Variants in PROS1 observed in about 807,000 individuals in gnomAD.
PROS1 encodes the protein protein S.
A neutral mutation model predicts 75.9 loss-of-function variants in PROS1; 29 were observed. The observed-to-expected ratio is 0.38, with a 90% confidence interval of 0.28 to 0.52. PROS1 has a LOEUF of 0.52. PROS1 is among the 20% of genes least tolerant of loss of function. PROS1 has a pLI of 0.83. For missense variants in PROS1, 680 were observed against 810.3 expected (o/e 0.84, Z 1.95); for synonymous variants, 245 against 280.6 (o/e 0.87, Z 1.27).
intron 4 of PROS1, among the ~76,000 whole-genome samples, chr3:93,906,508 C>T (rs1370729752): frequency 6.6e-6 from 1 of 152,200 alleles, no homozygotes; most frequent in African/African-American, 2.4e-5. Flanking sequence ...TCTCTGTGCT[C>T]TTGGGGGCCT....
intron 1 of PROS1, among the ~76,000 whole-genome samples, chr3:93,954,524 T>C (rs536302403): frequency 6.6e-6 from 1 of 152,202 alleles, no homozygotes; most frequent in Non-Finnish European, 1.5e-5. Flanking sequence ...GCTAGCCATA[T>C]GTAGAAAGCT....
chr3:93,963,969 A>C (rs1576219878), intron 1 of PROS1, among the ~76,000 whole-genome samples: 1 of 152,226 alleles, frequency 6.6e-6, no homozygotes, highest in African/African-American at 2.4e-5. Context: ...ACAGCAGAGG[A>C]ACATGAATTG....
chr3:93,890,512 G>T (rs952651486), intron 10 of PROS1, among the ~76,000 whole-genome samples: 4 of 152,046 alleles, frequency 2.6e-5, no homozygotes, highest in African/African-American at 9.7e-5. Flanking sequence ...TGGTTTTGTG[G>T]CTCAGGTGGG....
chr3:93,877,199 G>A lies in PROS1; in HGVS notation c.1645-8C>T, dbSNP rs774397005. The A allele has an allele frequency of 1.9e-6, 3 of 1,569,886 alleles. No individual in the cohort carries two copies. The Admixed American group carries it at 5.0e-5, about 26-fold the overall frequency. On this transcript the variant is annotated splice_polypyrimidine_tract_variant and splice_region_variant and intron_variant, in intron 13 of 14. Transcript: ENST00000394236. ...AACAGATAACAGAATATCCTGAAGAGCAGAGCAAAGATTCAATATAAGCAA... is the reference window on the plus strand; with the variant it reads ...AACAGATAACAGAATATCCTGAAGAACAGAGCAAAGATTCAATATAAGCAA...
At chr3:93,934,636 G>A (rs1709154766) in intron 1 of PROS1, among the ~76,000 whole-genome samples, 1 of 152,148 alleles carries the variant, frequency 6.6e-6, no homozygotes, top group African/African-American at 2.4e-5. Context: ...GATAGGTGTG[G>A]ATAAAGATTT....
chr3:93,919,421 T>TG (rs1186207178), intron 3 of PROS1, among the ~76,000 whole-genome samples: 1 of 149,948 alleles, frequency 6.7e-6, no homozygotes, highest in Non-Finnish European at 1.5e-5. Flanking sequence ...TTTTCCCTAT[T>TG]TTTTTTTTTT....
intron 7 of PROS1, among the ~76,000 whole-genome samples, chr3:93,900,410 A>C (rs1347115629): frequency 6.6e-6 from 1 of 152,248 alleles, no homozygotes; most frequent in Non-Finnish European, 1.5e-5. Flanking sequence ...TAAAGTTTTA[A>C]CCATGCTCAT....
chr3:93,893,753 T>C (rs1366061115), intron 9 of PROS1, among the ~76,000 whole-genome samples: 1 of 152,188 alleles, frequency 6.6e-6, no homozygotes, highest in Non-Finnish European at 1.5e-5. Flanking sequence ...ACTTAAAATA[T>C]ATCTATTAGC....
At chr3:93,934,075 G>C (rs1318283253) in intron 1 of PROS1, among the ~76,000 whole-genome samples, 3 of 150,738 alleles carry the variant, frequency 2.0e-5, no homozygotes, top group Non-Finnish European at 4.4e-5. Context: ...AGTTACTCAG[G>C]AGGCTGAGGC....
intron 13 of PROS1, among the ~76,000 whole-genome samples, chr3:93,877,491 TTC>T (rs1708208351): frequency 1.3e-5 from 2 of 152,190 alleles, no homozygotes; most frequent in Non-Finnish European, 2.9e-5. Flanking sequence ...TCTTATATCT[TTC>T]TGTTTATGAG....
intron 3 of PROS1, among the ~76,000 whole-genome samples, chr3:93,914,811 T>C (rs367559990): frequency 6.6e-6 from 1 of 152,200 alleles, no homozygotes; most frequent in Non-Finnish European, 1.5e-5. Context: ...TGTAGTCTTT[T>C]ATCTTTCACC....
intron 10 of PROS1, among the ~76,000 whole-genome samples, chr3:93,890,449 T>TA (rs1162349658): frequency 1.3e-5 from 2 of 152,214 alleles, no homozygotes; most frequent in African/African-American, 4.8e-5. Flanking sequence ...CTTTGTGACC[T>TA]ACTCCCTGTT....
At chr3:93,934,701 A>T (rs888231035) in intron 1 of PROS1, among the ~76,000 whole-genome samples, 2 of 152,216 alleles carry the variant, frequency 1.3e-5, no homozygotes. Flanking sequence ...TTACACATAT[A>T]AAGGCGAGTT....
At chr3:93,877,303 T>C (rs1221316454) in intron 13 of PROS1, 112 bp from the exon 14 acceptor site, 5 of 735,408 alleles carry the variant, frequency 6.8e-6, no homozygotes, top group South Asian at 1.7e-5. Context: ...GGAAAGAAAA[T>C]GTATGATAGA....
chr3:93,904,175 A>T (rs1387714859), intron 6 of PROS1, among the ~76,000 whole-genome samples: 1 of 152,026 alleles, frequency 6.6e-6, no homozygotes, highest in African/African-American at 2.4e-5. Context: ...TTAGTATTCC[A>T]TGGTGTATAT....
chr3:93,946,233 A>G (rs1369598912), intron 1 of PROS1, among the ~76,000 whole-genome samples: 1 of 152,196 alleles, frequency 6.6e-6, no homozygotes, highest in African/African-American at 2.4e-5. Context: ...ATACTGCCCA[A>G]GGTAATTTAT....
intron 6 of PROS1, 143 bp downstream of exon 6, chr3:93,905,641 T>A (rs1708661345): frequency 1.1e-6 from 1 of 880,670 alleles, no homozygotes; most frequent in South Asian, 1.7e-5. Context: ...AGTTCCACAG[T>A]ATCACAAGGC....
At chr3:93,925,061 CA>C (rs1191063871) in intron 2 of PROS1, among the ~76,000 whole-genome samples, 1 of 151,984 alleles carries the variant, frequency 6.6e-6, no homozygotes, top group Non-Finnish European at 1.5e-5. Context: ...GGTTGTGTAC[CA>C]AAAGTTTGTC....
At chr3:93,904,661 G>T (rs1392533214) in intron 6 of PROS1, among the ~76,000 whole-genome samples, 1 of 151,638 alleles carries the variant, frequency 6.6e-6, no homozygotes, top group Non-Finnish European at 1.5e-5. Flanking sequence ...CTGGAGGAGA[G>T]AACTTGGATA....
Sources: gnomAD v4.1 joint callset for allele counts (sites outside exome capture counted in the v4.1 genomes callset) on GRCh38, gnomAD v4.1.1 for gene constraint, MANE v1.5 for transcripts, NCBI Gene and HGNC (gene_info 2026-07-23, HGNC 2026-07-21) for gene names.